The following MAP3K15 variants were observed in gnomAD, a reference collection of about 807,000 sequenced individuals.
The protein encoded by MAP3K15 is MAPK/ERK kinase kinase 15.
In MAP3K15, 124 loss-of-function variants were observed where a neutral mutation model predicts 99.5. The ratio of observed to expected loss-of-function variants is 1.25; its 90% confidence interval spans 1.08 to 1.45. MAP3K15 has a LOEUF of 1.45. Ranked by LOEUF, MAP3K15 falls within the 40% of genes most tolerant of loss-of-function variation. The pLI is 0.00. For synonymous variants in MAP3K15, 494 were observed against 439.6 expected, an observed-to-expected ratio of 1.12 and a Z score of -1.55; for missense variants, 1,242 against 1,079.7, an observed-to-expected ratio of 1.15 and a Z score of -2.11.
intron 9 of MAP3K15, among the ~76,000 whole-genome samples, chrX:19,416,250 G>A (rs1282837719): frequency 9.0e-6 from 1 of 111,011 alleles, no homozygotes; most frequent in Non-Finnish European, 1.9e-5. Context: ...AGGAATGCTT[G>A]AAGCTGAGAG....
intron 3 of MAP3K15, among the ~76,000 whole-genome samples, chrX:19,474,391 C>T (rs1186364041): frequency 9.1e-6 from 1 of 110,343 alleles, no homozygotes; most frequent in African/African-American, 3.3e-5. Flanking sequence ...TCAGTTTTCT[C>T]ATCTTTAAGA....
chrX:19,453,426 G>A (rs1400922495), intron 6 of MAP3K15, among the ~76,000 whole-genome samples: 2 of 108,984 alleles, frequency 1.8e-5, no homozygotes, highest in Non-Finnish European at 3.8e-5. Flanking sequence ...CTTGAACCCG[G>A]GAGGCGAAGG....
At chrX:19,370,141 G>A (rs2063364087) in intron 24 of MAP3K15, among the ~76,000 whole-genome samples, 2 of 111,730 alleles carry the variant, frequency 1.8e-5, no homozygotes, top group Non-Finnish European at 3.8e-5. Context: ...CGACAGAATG[G>A]GCTGTAAAGC....
intron 6 of MAP3K15, among the ~76,000 whole-genome samples, chrX:19,436,668 CCAAAT>C (rs1322307939): frequency 9.0e-6 from 1 of 111,137 alleles, no homozygotes; most frequent in African/African-American, 3.3e-5. Context: ...TTAACGTGTC[CCAAAT>C]CAAACTTTTT....
chrX:19,489,266 G>A (rs1418061459), intron 1 of MAP3K15, among the ~76,000 whole-genome samples: 3 of 110,844 alleles, frequency 2.7e-5, no homozygotes, highest in Non-Finnish European at 5.7e-5. Flanking sequence ...AATATATTTA[G>A]CTTATATATG....
intron 6 of MAP3K15, among the ~76,000 whole-genome samples, chrX:19,450,660 C>T (rs2064030168): frequency 9.2e-6 from 1 of 108,558 alleles, no homozygotes; most frequent in Non-Finnish European, 1.9e-5. Context: ...CATGAACCCT[C>T]TTCCTTTACA....
chrX:19,425,964 CA>C (rs973392935), intron 8 of MAP3K15, among the ~76,000 whole-genome samples: 1 of 109,756 alleles, frequency 9.1e-6, no homozygotes, highest in South Asian at 3.9e-4. Context: ...ACTAAAAATA[CA>C]AAAAAAATTA....
intron 18 of MAP3K15, among the ~76,000 whole-genome samples, chrX:19,383,312 T>C (rs1186672973): frequency 8.9e-6 from 1 of 112,454 alleles, no homozygotes; most frequent in Non-Finnish European, 1.9e-5. Context: ...GCCTGGACCC[T>C]GACTAATATA....
Position 19,361,416 on chromosome X carries a change from C to T in MAP3K15, c.3781-1G>A, listed in dbSNP as rs780260798. The T allele has an allele frequency of 1.7e-5, 20 of 1,204,886 alleles. No homozygotes were observed. In the South Asian group the frequency reaches 3.2e-4, roughly 19 times the overall value. Reference sequence around the variant, plus strand: ...AAAGTGTATAACCCTCTTCAACAATCTGAAACAAAGATCAGATCCTTAAGA... The same window carrying T: ...AAAGTGTATAACCCTCTTCAACAATTTGAAACAAAGATCAGATCCTTAAGA... On this transcript the variant is annotated splice_acceptor_variant, in intron 27 of 28. Coordinates refer to ENST00000338883, the MANE Select transcript of MAP3K15 (RefSeq NM_001001671.4). LOFTEE classifies it high-confidence loss of function.
At chrX:19,436,637 T>A (rs752292945) in intron 6 of MAP3K15, among the ~76,000 whole-genome samples, 47 of 111,395 alleles carry the variant, frequency 4.2e-4, no homozygotes, top group African/African-American at 1.5e-3. Context: ...AGCAACTCAT[T>A]TGCATGTTGA....
At chrX:19,390,281 T>A (rs1337476726) in intron 18 of MAP3K15, among the ~76,000 whole-genome samples, 1 of 107,094 alleles carries the variant, frequency 9.3e-6, no homozygotes, top group African/African-American at 3.4e-5. Context: ...CAGAGCTATA[T>A]TATTTTAAGA....
At chrX:19,410,069 A>G (rs2063675675) in intron 11 of MAP3K15, 96 bp from the exon 12 acceptor site, 1 of 707,975 alleles carries the variant, frequency 1.4e-6, no homozygotes. Context: ...CTGCTATTTT[A>G]CCTGCAGTGG....
chrX:19,455,808 T>G (rs1193311401), intron 6 of MAP3K15, among the ~76,000 whole-genome samples: 1 of 111,104 alleles, frequency 9.0e-6, no homozygotes. Flanking sequence ...CCTTATAGTT[T>G]TTATTTAACA....
At position 19,380,197 on chromosome X, in the gene MAP3K15, C is replaced by T. The variant is rs56381411; in HGVS notation, c.2512G>A (p.Gly838Ser). The change falls in exon 19 of 29, where the codon GGC becomes AGC. Residue 838 changes from glycine (G) to serine (S), a missense_variant. By Grantham distance (56) the Gly-to-Ser change is moderately conservative. Transcript: ENST00000338883. ...YGAPADIWSL[G>S]CTIIEMATSK... The stretch of plus-strand genomic sequence containing the variant: ...GTGGCCATCTCAATGATGGTGCAGC[C>T]CAGGGACCAGATATCGGCTGGGGCA... 3.9e-3 allele frequency: 4,655 copies of T among 1,205,146 alleles called. 20 individuals are homozygous for T. The highest frequency in any genetic ancestry group is 5.9e-3 in the South Asian group (327 of 55,709).
chrX:19,510,221 A>T (rs1360339680), intron 1 of MAP3K15, among the ~76,000 whole-genome samples: 1 of 112,036 alleles, frequency 8.9e-6, no homozygotes, highest in Non-Finnish European at 1.9e-5. Flanking sequence ...GGCCAGCATT[A>T]TCCTGATTCC....
intron 3 of MAP3K15, among the ~76,000 whole-genome samples, chrX:19,485,532 T>C (rs1001553466): frequency 4.5e-5 from 5 of 110,213 alleles, no homozygotes; most frequent in Non-Finnish European, 7.6e-5. Flanking sequence ...CCACGTGCTC[T>C]GTTTCTGAAA....
At chrX:19,453,570 T>G (rs927442847) in intron 6 of MAP3K15, among the ~76,000 whole-genome samples, 4 of 110,448 alleles carry the variant, frequency 3.6e-5, no homozygotes, top group African/African-American at 1.3e-4. Flanking sequence ...TGGTTCCAGA[T>G]CTCTTATTGA....
At chrX:19,472,537 T>C (rs922128002) in intron 3 of MAP3K15, among the ~76,000 whole-genome samples, 58 of 111,056 alleles carry the variant, frequency 5.2e-4, no homozygotes, top group African/African-American at 1.9e-3. Flanking sequence ...TATATTGGAA[T>C]AAGGAAATGA....
rs369509633 is a variant in MAP3K15 at position 19,393,502 on chromosome X, G to A, written c.2195-1029C>T. 3.3e-4 allele frequency among the ~76,000 whole-genome samples: 36 copies of A among 110,609 alleles called. No individual in the cohort carries two copies. In the East Asian group the frequency reaches 8.6e-3, roughly 27 times the overall value. ...AAAAATTAGCCAGGCGTGGTGGCAC[G>A]CACTTGTAATCCTAGCTACTTGAGA... On this transcript the variant is annotated intron_variant, in intron 16 of 28. Coordinates refer to ENST00000338883, the MANE Select transcript of MAP3K15 (RefSeq NM_001001671.4).
Sources: gnomAD v4.1 joint callset for allele counts (sites outside exome capture counted in the v4.1 genomes callset) on GRCh38, gnomAD v4.1.1 for gene constraint, MANE v1.5 for transcripts, NCBI Gene and HGNC (gene_info 2026-07-23, HGNC 2026-07-21) for gene names.